SGCD: variants seen among roughly 807,000 people sequenced by gnomAD.
SGCD encodes sarcoglycan delta.
SGCD carries 18 observed loss-of-function variants against 36.6 expected under a neutral mutation model. That is an observed-to-expected ratio of 0.49 (90% CI 0.34 to 0.73). The LOEUF is 0.73. Ranked by LOEUF, SGCD falls within the 30% of genes least tolerant of loss-of-function variation. SGCD has a pLI of 0.01. For missense variants in SGCD, 387 were observed against 346.7 expected, an observed-to-expected ratio of 1.12 and a Z score of -0.92; for synonymous variants, 133 against 130.6, an observed-to-expected ratio of 1.02 and a Z score of -0.12.
At chr5:156,165,984 GTTC>G (rs1200359388) in intron 3 of SGCD, among the ~76,000 whole-genome samples, 2 of 152,120 alleles carry the variant, frequency 1.3e-5, no homozygotes, top group African/African-American at 2.4e-5. Flanking sequence ...CAGCATTTTT[GTTC>G]TTCTTTGACT....
At chr5:156,631,476 TAAA>T (rs370578511) in intron 6 of SGCD, among the ~76,000 whole-genome samples, 1 of 147,696 alleles carries the variant, frequency 6.8e-6, no homozygotes, top group African/African-American at 2.5e-5. Context: ...TTTTTTTTTT[TAAA>T]AAAAAGATAA....
intron 1 of SGCD, among the ~76,000 whole-genome samples, chr5:155,908,027 A>G (rs919899498): frequency 2.0e-5 from 3 of 152,146 alleles, no homozygotes; most frequent in African/African-American, 4.8e-5. Flanking sequence ...ATCAGTCACC[A>G]ACCATCGACA....
At chr5:155,871,225 C>T (rs990137035) in intron 1 of SGCD, among the ~76,000 whole-genome samples, 1 of 152,048 alleles carries the variant, frequency 6.6e-6, no homozygotes, top group African/African-American at 2.4e-5. Context: ...AGAATAATAA[C>T]ATTTTTGGAT....
chr5:156,209,504 G>T (rs1027189148), intron 3 of SGCD, among the ~76,000 whole-genome samples: 2 of 152,210 alleles, frequency 1.3e-5, no homozygotes. Context: ...CAGGCACAAG[G>T]CCTGCCCAGC....
At chr5:156,184,371 G>GTTT (rs3036754) in intron 3 of SGCD, among the ~76,000 whole-genome samples, 108 of 141,502 alleles carry the variant, frequency 7.6e-4, no homozygotes, top group African/African-American at 2.7e-3. Context: ...CAAGCAGCCA[G>GTTT]TTTTTTTTTT....
Position 156,742,165 on chromosome 5 carries a change from C to T in SGCD, c.576-15416C>T, listed in dbSNP as rs762591095. ...TGCTGGGATTACAGGCGTGAGCCAC[C>T]GTGCCCGGCCTCAGGTTTCTTTTTC... On this transcript the variant is annotated intron_variant, in intron 7 of 8. Coordinates refer to ENST00000337851, the MANE Select transcript of SGCD (RefSeq NM_000337.6). 1.6e-4 allele frequency among the ~76,000 whole-genome samples: 24 copies of T among 152,280 alleles called. No homozygotes were observed. In the East Asian group the frequency reaches 2.5e-3, roughly 16 times the overall value.
intron 7 of SGCD, among the ~76,000 whole-genome samples, chr5:156,743,923 T>A (rs1399921966): frequency 6.6e-6 from 1 of 152,230 alleles, no homozygotes; most frequent in East Asian, 1.9e-4. Context: ...TTCTTCCTAT[T>A]TTCTGGTGCT....
At chr5:156,097,222 A>C (rs1761401304) in intron 1 of SGCD, among the ~76,000 whole-genome samples, 1 of 152,010 alleles carries the variant, frequency 6.6e-6, no homozygotes, top group South Asian at 2.1e-4. Flanking sequence ...GCTGAACTTC[A>C]TAGATCTGTA....
chr5:156,405,985 A>G (rs1286247694), intron 3 of SGCD, among the ~76,000 whole-genome samples: 1 of 142,264 alleles, frequency 7.0e-6, no homozygotes, highest in Admixed American at 7.4e-5. Flanking sequence ...CTGTGTGTAG[A>G]TATCACCTGC....
intron 3 of SGCD, among the ~76,000 whole-genome samples, chr5:156,364,765 T>C (rs1429728580): frequency 6.6e-6 from 1 of 152,160 alleles, no homozygotes; most frequent in Non-Finnish European, 1.5e-5. Context: ...TCACTCCTCC[T>C]TTTCCCTAAA....
At chr5:156,228,388 A>G (rs1178708372) in intron 3 of SGCD, among the ~76,000 whole-genome samples, 1 of 152,152 alleles carries the variant, frequency 6.6e-6, no homozygotes, top group South Asian at 2.1e-4. Context: ...TTATCATTAT[A>G]TAATGTCCCT....
chr5:156,361,621 G>A (rs1373900101), intron 3 of SGCD, among the ~76,000 whole-genome samples: 1 of 152,196 alleles, frequency 6.6e-6, no homozygotes, highest in Admixed American at 6.5e-5. Flanking sequence ...TCAGCACAGA[G>A]TCATAAGCTC....
At chr5:155,839,322 T>C in the SGCD span, among the ~76,000 whole-genome samples, 2 of 152,184 alleles carry the variant, frequency 1.3e-5, no homozygotes, top group East Asian at 1.9e-4. Flanking sequence ...AAGTTACATA[T>C]GGCATGTCCT....
At chr5:156,342,486 T>C (rs1382988743) in intron 2 of SGCD, among the ~76,000 whole-genome samples, 1 of 152,264 alleles carries the variant, frequency 6.6e-6, no homozygotes, top group African/African-American at 2.4e-5. Flanking sequence ...TCTGTGATCA[T>C]TTTCTTATTT....
At chr5:155,757,780 G>A in the SGCD span, among the ~76,000 whole-genome samples, 1 of 152,156 alleles carries the variant, frequency 6.6e-6, no homozygotes, top group Non-Finnish European at 1.5e-5. Flanking sequence ...GTTTGGCTGT[G>A]TCTCCACTCA....
At position 156,444,064 on chromosome 5, in the gene SGCD, T is replaced by TTCTCTCTCTC. The variant is rs535098783; in HGVS notation, c.193-64494_193-64485dup. On this transcript the variant is annotated intron_variant, in intron 3 of 8. Transcript: ENST00000337851. ...CACGCTTTGGAGACTCTTTCTCTCCTTCTCTCTCTCTCTCTCTCTCTCTCT... is the reference window on the plus strand; with the variant it reads ...CACGCTTTGGAGACTCTTTCTCTCCTTCTCTCTCTCTCTCTCTCTCTCTCTCTCTCTCTCT... Among the ~76,000 whole-genome samples, 41 of 34,492 alleles carry TTCTCTCTCTC rather than the reference T, an allele frequency of 1.2e-3. 2 individuals are homozygous for TTCTCTCTCTC. The highest frequency in any genetic ancestry group is 2.6e-3 in the African/African-American group (26 of 9,840). 22.6% of individuals were successfully genotyped at this position (34,492 alleles called of 152,430 possible). A position where few individuals can be genotyped will look rare whatever the true frequency, so the allele number is the denominator to read the frequency against.
At chr5:156,756,795 A>G (rs59056886) in intron 7 of SGCD, among the ~76,000 whole-genome samples, 2,101 of 152,188 alleles carry the variant, frequency 0.014, 52 homozygotes, top group East Asian at 0.041. Flanking sequence ...CCGTCACACA[A>G]AACATGTTTT....
rs143136059 is a variant in SGCD at position 156,741,592 on chromosome 5, A to G, written c.576-15989A>G. 6.8e-3 allele frequency among the ~76,000 whole-genome samples: 1,031 copies of G among 152,330 alleles called. 5 individuals carry two copies. The highest frequency in any genetic ancestry group is 0.012 in the Non-Finnish European group (787 of 68,028). On this transcript the variant is annotated intron_variant, in intron 7 of 8. Transcript: ENST00000337851. Reference sequence around the variant, plus strand: ...AGAGATGACCAATTTTCTCCTTGTCATATTCCCTGGGCCGAAAACTACACA... The same window carrying G: ...AGAGATGACCAATTTTCTCCTTGTCGTATTCCCTGGGCCGAAAACTACACA...
intron 1 of SGCD, among the ~76,000 whole-genome samples, chr5:156,044,704 C>T (rs6556352): frequency 0.49 from 74,089 of 151,988 alleles, 22,516 homozygotes; most frequent in African/African-American, 0.86. Context: ...CCATCAATTA[C>T]GTTAAATGAT....
Sources: gnomAD v4.1 joint callset for allele counts (sites outside exome capture counted in the v4.1 genomes callset) on GRCh38, gnomAD v4.1.1 for gene constraint, MANE v1.5 for transcripts, NCBI Gene and HGNC (gene_info 2026-07-23, HGNC 2026-07-21) for gene names.